Variants in CNTNAP2 observed in about 807,000 individuals in gnomAD.
The protein encoded by CNTNAP2 is contactin associated protein 2.
Under a neutral mutation model 155.2 loss-of-function variants are expected in CNTNAP2, and 98 were observed. That is an observed-to-expected ratio of 0.63 (90% CI 0.54 to 0.75). The LOEUF (loss-of-function observed/expected upper bound fraction) is 0.75, where lower values mean the gene tolerates loss of function less well. Among genes scored for constraint, CNTNAP2 ranks in the 30% least tolerant of loss-of-function variants. CNTNAP2 has a pLI of 0.00. For missense variants in CNTNAP2, 1,727 were observed against 1,688.1 expected (o/e 1.02, Z -0.40); for synonymous variants, 651 against 631.2 (o/e 1.03, Z -0.47).
At chr7:147,520,752 A>G (rs1250502459) in intron 11 of CNTNAP2, among the ~76,000 whole-genome samples, 1 of 152,224 alleles carries the variant, frequency 6.6e-6, no homozygotes, top group Non-Finnish European at 1.5e-5. Context: ...TACTTTCCAG[A>G]AAATTCCAAT....
chr7:148,030,761 A>T (rs190849017), intron 15 of CNTNAP2, among the ~76,000 whole-genome samples: 98 of 152,124 alleles, frequency 6.4e-4, no homozygotes, highest in Admixed American at 1.4e-3. Flanking sequence ...AAGTTCAAAA[A>T]CAAAAATAAA....
intron 1 of CNTNAP2, among the ~76,000 whole-genome samples, chr7:146,284,094 A>G (rs1391699810): frequency 6.6e-6 from 1 of 152,164 alleles, no homozygotes; most frequent in African/African-American, 2.4e-5. Context: ...TTCATCCACT[A>G]TTGTTATTAA....
At chr7:148,095,639 C>T (rs149216572) in intron 15 of CNTNAP2, among the ~76,000 whole-genome samples, 1 of 152,300 alleles carries the variant, frequency 6.6e-6, no homozygotes, top group African/African-American at 2.4e-5. Context: ...GATTCTGATG[C>T]TCACCAAAGT....
In CNTNAP2 at chr7:147,316,633, C is replaced by T. The variant is rs538280856; in HGVS notation, c.1498+16343C>T. On this transcript the variant is annotated intron_variant, in intron 9 of 23. Transcript: ENST00000361727. ...ATACATATAGTAAAATTTAGTTACA[C>T]GAATTTTGATTCATATACTTTTGAA... Among the ~76,000 whole-genome samples the T allele has an allele frequency of 2.4e-4, 36 of 152,100 alleles. No individual in the cohort carries two copies. In the South Asian group the frequency reaches 5.4e-3, roughly 23 times the overall value.
intron 3 of CNTNAP2, among the ~76,000 whole-genome samples, chr7:146,892,743 T>C (rs1384929557): frequency 6.6e-6 from 1 of 152,172 alleles, no homozygotes; most frequent in Non-Finnish European, 1.5e-5. Context: ...ACCACTGCAC[T>C]CCAGTCTGGG....
At position 147,489,704 on chromosome 7, in the gene CNTNAP2, C is replaced by T. The variant is rs868731227; in HGVS notation, c.1777+3663C>T. 1.3e-5 allele frequency among the ~76,000 whole-genome samples: 2 copies of T among 152,238 alleles called. 1 individual carries two copies. The highest frequency in any genetic ancestry group is 6.8e-3 in the Middle Eastern group (2 of 294). ...GATCTCGGTTCACTGCAACCTCCAC[C>T]TCCCAGGTTCAAGCGATTCTGCTGC... On this transcript the variant is annotated intron_variant, in intron 11 of 23. Coordinates refer to ENST00000361727, the MANE Select transcript of CNTNAP2 (RefSeq NM_014141.6).
intron 8 of CNTNAP2, among the ~76,000 whole-genome samples, chr7:147,243,133 A>T (rs939719877): frequency 2.0e-5 from 3 of 150,748 alleles, no homozygotes; most frequent in African/African-American, 7.3e-5. Context: ...AAGAGCTGGG[A>T]CTACAGGGGC....
intron 8 of CNTNAP2, among the ~76,000 whole-genome samples, chr7:147,163,754 G>A (rs548323129): frequency 6.6e-6 from 1 of 152,292 alleles, no homozygotes; most frequent in Non-Finnish European, 1.5e-5. Flanking sequence ...AAATTCATGA[G>A]TTCTGGGATT....
rs550999618 is a variant in CNTNAP2, at chr7:146,889,021, A to T, written c.402+49117A>T. On this transcript the variant is annotated intron_variant, in intron 3 of 23. Transcript: ENST00000361727. The stretch of plus-strand genomic sequence containing the variant: ...GACACACAGATACACACATGCACAC[A>T]CAGAAAATAATAGAGTGGGAGGAAA... Among the ~76,000 whole-genome samples, 69 of 152,206 alleles carry T rather than the reference A, an allele frequency of 4.5e-4. 2 individuals carry two copies. The Middle Eastern group carries it at 0.021, about 45-fold the overall frequency.
intron 1 of CNTNAP2, among the ~76,000 whole-genome samples, chr7:146,149,742 G>A (rs1798009047): frequency 6.6e-6 from 1 of 151,920 alleles, no homozygotes; most frequent in Non-Finnish European, 1.5e-5. Context: ...ACACACAAAA[G>A]TAATTATAGA....
chr7:148,134,218 C>T lies in CNTNAP2; in HGVS notation c.2555-13273C>T, dbSNP rs190875652. Among the ~76,000 whole-genome samples, 10 of 152,214 alleles carry T rather than the reference C, an allele frequency of 6.6e-5. No homozygotes were observed. In the South Asian group the frequency reaches 1.2e-3, roughly 19 times the overall value. On this transcript the variant is annotated intron_variant, in intron 16 of 23. Coordinates refer to ENST00000361727, the MANE Select transcript of CNTNAP2 (RefSeq NM_014141.6). ...TTGATTCCTCTGATGAGAACTGATG[C>T]GAATGCCAACTGACTTTTTATGAAG...
intron 1 of CNTNAP2, among the ~76,000 whole-genome samples, chr7:146,361,052 A>G (rs1795075397): frequency 6.6e-6 from 1 of 152,188 alleles, no homozygotes; most frequent in Non-Finnish European, 1.5e-5. Context: ...ACATGTCAAT[A>G]TTTTGTAGCA....
At chr7:146,428,381 T>C (rs1388110193) in intron 1 of CNTNAP2, among the ~76,000 whole-genome samples, 1 of 151,994 alleles carries the variant, frequency 6.6e-6, no homozygotes, top group Non-Finnish European at 1.5e-5. Context: ...AAGCATTCCT[T>C]TTTTTATCCA....
intron 1 of CNTNAP2, among the ~76,000 whole-genome samples, chr7:146,577,615 A>C (rs1798545372): frequency 6.6e-6 from 1 of 152,138 alleles, no homozygotes; most frequent in Non-Finnish European, 1.5e-5. Context: ...TTCTCTGTGA[A>C]TAACATACAA....
chr7:146,663,466 G>C (rs549130198), intron 1 of CNTNAP2, among the ~76,000 whole-genome samples: 1 of 151,476 alleles, frequency 6.6e-6, no homozygotes, highest in Non-Finnish European at 1.5e-5. Context: ...GTATAATTCA[G>C]TTTGGAGGAT....
chr7:146,404,139 A>AAAAAAAAC (rs58435059), intron 1 of CNTNAP2, among the ~76,000 whole-genome samples: 1 of 147,428 alleles, frequency 6.8e-6, no homozygotes. Flanking sequence ...AAAAAAAAAA[A>AAAAAAAAC]AAACAAAGAA....
intron 3 of CNTNAP2, among the ~76,000 whole-genome samples, chr7:146,910,434 A>C (rs1203849033): frequency 6.7e-6 from 1 of 149,164 alleles, no homozygotes; most frequent in East Asian, 1.9e-4. Flanking sequence ...CCAAAACAGC[A>C]TGGTACTGGT....
At chr7:146,362,878 C>T (rs572570600) in intron 1 of CNTNAP2, among the ~76,000 whole-genome samples, 1 of 146,004 alleles carries the variant, frequency 6.8e-6, no homozygotes, top group Non-Finnish European at 1.5e-5. Context: ...TCAAGAGATT[C>T]TCCTGCCTCA....
chr7:146,151,155 C>T (rs546812234), intron 1 of CNTNAP2, among the ~76,000 whole-genome samples: 1 of 152,202 alleles, frequency 6.6e-6, no homozygotes, highest in South Asian at 2.1e-4. Context: ...ATAATCCAGT[C>T]ACTTCCCACC....
Sources: allele counts gnomAD v4.1 joint callset (sites outside exome capture counted in the v4.1 genomes callset), GRCh38; gene constraint gnomAD v4.1.1; transcripts MANE v1.5; gene names NCBI Gene and HGNC (gene_info 2026-07-23, HGNC 2026-07-21).